The following PUM2 variants were observed in gnomAD, a reference collection of about 807,000 sequenced individuals.
PUM2 encodes the protein pumilio homolog 2.
PUM2 carries 57 observed loss-of-function variants against 124.5 expected under a neutral mutation model. That is an observed-to-expected ratio of 0.46 (90% CI 0.37 to 0.57). PUM2 has a LOEUF of 0.57. Ranked by LOEUF, PUM2 falls within the 20% of genes least tolerant of loss-of-function variation. The pLI, the probability that PUM2 is intolerant of heterozygous loss-of-function variation, is 0.00. For missense variants in PUM2, 1,065 were observed against 1,290.6 expected (o/e 0.83, Z 2.68); for synonymous variants, 460 against 446.1 (o/e 1.03, Z -0.39).
chr2:20,344,304 G>C (rs549894019), intron 1 of PUM2, among the ~76,000 whole-genome samples: 2 of 152,274 alleles, frequency 1.3e-5, no homozygotes, highest in South Asian at 4.1e-4. Flanking sequence ...CTGAGCTCAA[G>C]CAGTCCACCT....
rs1689178604 is a variant in PUM2, at chr2:20,350,658, C to A, written c.-80G>T. The A allele has an allele frequency of 1.0e-6, 1 of 985,488 alleles. No individual in the cohort carries two copies. Among genetic ancestry groups the A allele is most frequent in the Non-Finnish European group, 1.2e-6 (1 of 830,024 alleles). 61.0% of individuals were successfully genotyped at this position (985,488 alleles called of 1,614,324 possible). ...CCGACCGTTGGGCACACGGCGGCGT[C>A]GCTCTTGGCGGTCCTCCCCCTCCTC... On this transcript the variant is annotated 5_prime_UTR_variant, in exon 1 of 21. Coordinates refer to ENST00000361078, the MANE Select transcript of PUM2 (RefSeq NM_015317.5).
chr2:20,330,794 C>A (rs1204878548), intron 1 of PUM2, among the ~76,000 whole-genome samples: 2 of 152,198 alleles, frequency 1.3e-5, no homozygotes, highest in Non-Finnish European at 2.9e-5. Context: ...TGACAACCTA[C>A]GACTTGCAAC....
chr2:20,266,567 T>C (rs1346223779), intron 13 of PUM2, among the ~76,000 whole-genome samples: 1 of 152,046 alleles, frequency 6.6e-6, no homozygotes, highest in Non-Finnish European at 1.5e-5. Flanking sequence ...CACCAATTAA[T>C]TTCACCCAGG....
intron 5 of PUM2, among the ~76,000 whole-genome samples, chr2:20,310,549 A>C (rs902214210): frequency 1.3e-5 from 2 of 152,070 alleles, no homozygotes; most frequent in African/African-American, 4.8e-5. Context: ...TAAATTTCTA[A>C]ATCTGAATAG....
chr2:20,319,119 T>C (rs946194794), intron 2 of PUM2, among the ~76,000 whole-genome samples: 1 of 152,158 alleles, frequency 6.6e-6, no homozygotes, highest in Non-Finnish European at 1.5e-5. Context: ...AGCTGCTGAG[T>C]ACTATCTGTC....
In PUM2 at chr2:20,322,821, AC is replaced by A. The variant is rs1682695579; in HGVS notation, c.52-4177del. ...CTGCCTCCAAAACAAAAAACAAAAAACAAACAAAACAAACAACAACAACAAC... is the reference window on the plus strand; with the variant it reads ...CTGCCTCCAAAACAAAAAACAAAAAAAAACAAAACAAACAACAACAACAAC... On this transcript the variant is annotated intron_variant, in intron 2 of 20. Transcript: ENST00000361078. Among the ~76,000 whole-genome samples the A allele has an allele frequency of 2.0e-5, 3 of 151,902 alleles. No individual in the cohort carries two copies. In the East Asian group the frequency reaches 5.8e-4, roughly 29 times the overall value.
chr2:20,347,176 T>C (rs1219449987), intron 1 of PUM2, among the ~76,000 whole-genome samples: 2 of 152,240 alleles, frequency 1.3e-5, no homozygotes, highest in Admixed American at 6.5e-5. Flanking sequence ...GTAGCTAAAC[T>C]TGCAGAATGG....
intron 7 of PUM2, among the ~76,000 whole-genome samples, chr2:20,304,997 T>A (rs941757773): frequency 6.6e-6 from 1 of 152,062 alleles, no homozygotes; most frequent in African/African-American, 2.4e-5. Context: ...CCAGGCAAAT[T>A]TGGATAAAAA....
intron 13 of PUM2, among the ~76,000 whole-genome samples, chr2:20,272,207 A>T (rs1158809657): frequency 1.3e-5 from 2 of 152,194 alleles, no homozygotes; most frequent in Admixed American, 6.5e-5. Context: ...ATAAATAAAT[A>T]GAAAAGCATC....
chr2:20,294,453 GAA>G lies in PUM2; in HGVS notation c.1073_1074del (p.Phe358SerfsTer10). ...VPWGVYPANL[F>X]QQQAAAAANN... ...TTTGCCGCAGCTGCAGCTTGCTGCTGAAATAAGTTGGCTGGATACACCCCCCA... is the reference window on the plus strand; with the variant it reads ...TTTGCCGCAGCTGCAGCTTGCTGCTGATAAGTTGGCTGGATACACCCCCCA... On this transcript the variant is annotated frameshift_variant, in exon 9 of 21. Transcript: ENST00000361078. LOFTEE classifies it high-confidence loss of function. The G allele has an allele frequency of 6.2e-7, 1 of 1,614,162 alleles. No individual in the cohort carries two copies. Among genetic ancestry groups the G allele is most frequent in the Non-Finnish European group, 8.5e-7 (1 of 1,180,034 alleles).
chr2:20,276,582 G>C (rs567674241), intron 13 of PUM2, among the ~76,000 whole-genome samples: 1 of 151,974 alleles, frequency 6.6e-6, no homozygotes, highest in East Asian at 1.9e-4. Flanking sequence ...TATCAGCCTT[G>C]AGACTTGATT....
chr2:20,268,448 CTA>C (rs959561793), intron 13 of PUM2, among the ~76,000 whole-genome samples: 2 of 152,032 alleles, frequency 1.3e-5, no homozygotes, highest in African/African-American at 4.8e-5. Context: ...CCCATCTCCA[CTA>C]TATGTATGTG....
chr2:20,267,598 C>A (rs560055092), intron 13 of PUM2, among the ~76,000 whole-genome samples: 1 of 152,198 alleles, frequency 6.6e-6, no homozygotes, highest in African/African-American at 2.4e-5. Flanking sequence ...GAGATAAGGT[C>A]TTTTCATTTC....
At chr2:20,276,926 T>A (rs183405035) in intron 13 of PUM2, among the ~76,000 whole-genome samples, 1 of 152,266 alleles carries the variant, frequency 6.6e-6, no homozygotes, top group East Asian at 1.9e-4. Flanking sequence ...TTCCCACAAC[T>A]GACCAGAATT....
chr2:20,258,705 G>A (rs1163271550), intron 15 of PUM2, among the ~76,000 whole-genome samples: 2 of 127,960 alleles, frequency 1.6e-5, no homozygotes, highest in African/African-American at 6.0e-5. Context: ...CTGTCGCCCA[G>A]GCTGGACTGC....
chr2:20,292,668 C>T (rs968454519), intron 9 of PUM2, among the ~76,000 whole-genome samples: 2 of 152,178 alleles, frequency 1.3e-5, no homozygotes, highest in African/African-American at 4.8e-5. Flanking sequence ...CAGTGGCTCA[C>T]ACCTGTAATC....
chr2:20,331,121 T>C (rs1022716792), intron 1 of PUM2, among the ~76,000 whole-genome samples: 2 of 142,036 alleles, frequency 1.4e-5, no homozygotes, highest in African/African-American at 5.0e-5. Context: ...TTCAGACAAC[T>C]TGGGGAGAGG....
At chr2:20,348,041 G>A (rs1324492783) in intron 1 of PUM2, among the ~76,000 whole-genome samples, 1 of 152,076 alleles carries the variant, frequency 6.6e-6, no homozygotes, top group Non-Finnish European at 1.5e-5. Flanking sequence ...AAACAGCAAG[G>A]GTCTGGCACC....
chr2:20,265,875 T>C (rs1353324515), intron 13 of PUM2, among the ~76,000 whole-genome samples: 1 of 152,056 alleles, frequency 6.6e-6, no homozygotes, highest in East Asian at 1.9e-4. Context: ...ACACCCTTAA[T>C]GCATTAAAGA....
Sources: gnomAD v4.1 joint callset for allele counts (sites outside exome capture counted in the v4.1 genomes callset) on GRCh38, gnomAD v4.1.1 for gene constraint, MANE v1.5 for transcripts, NCBI Gene and HGNC (gene_info 2026-07-23, HGNC 2026-07-21) for gene names.